Variants in FCRL3 observed in about 807,000 individuals in gnomAD.
FCRL3 encodes the protein Fc receptor-like protein 3.
A neutral mutation model predicts 75.0 loss-of-function variants in FCRL3; 89 were observed. That is an observed-to-expected ratio of 1.19 (90% CI 1.00 to 1.42). The LOEUF is 1.42. Among genes scored for constraint, FCRL3 ranks in the 40% most tolerant of loss-of-function variants. The pLI, the probability that FCRL3 is intolerant of heterozygous loss-of-function variation, is 0.00. For missense variants in FCRL3, 946 were observed against 880.0 expected (o/e 1.07, Z -0.95); for synonymous variants, 376 against 348.5 (o/e 1.08, Z -0.88).
Position 157,678,417 on chromosome 1 carries a change from C to T in FCRL3, c.*293G>A. 1 of 1,238,066 alleles carries T rather than the reference C, an allele frequency of 8.1e-7. No individual in the cohort carries two copies. Among genetic ancestry groups the T allele is most frequent in the South Asian group, 2.2e-5 (1 of 46,196 alleles). 76.7% of individuals were successfully genotyped at this position (1,238,066 alleles called of 1,614,324 possible). On this transcript the variant is annotated 3_prime_UTR_variant, in exon 15 of 15. Coordinates refer to ENST00000368184, the MANE Select transcript of FCRL3 (RefSeq NM_052939.4). ...TGTGCCCTTGTAACCCTGGCTAGAC[C>T]ATTTCTCTCTCCTCCTCTATTCGAC...
At chr1:157,683,675 C>T (rs1654990169) in intron 10 of FCRL3, among the ~76,000 whole-genome samples, 1 of 152,126 alleles carries the variant, frequency 6.6e-6, no homozygotes. Context: ...AATGGGACTA[C>T]CATGATAAGC....
chr1:157,688,295 A>G (rs1002947477), intron 10 of FCRL3, among the ~76,000 whole-genome samples: 1 of 152,192 alleles, frequency 6.6e-6, no homozygotes, highest in African/African-American at 2.4e-5. Context: ...TATTAATATT[A>G]GACAAAGACT....
chr1:157,689,744 AAATT>A, intron 10 of FCRL3, 50 bp downstream of exon 10: 1 of 1,609,862 alleles, frequency 6.2e-7, no homozygotes, highest in Non-Finnish European at 8.5e-7. Context: ...AGACAACTTC[AAATT>A]ATTATAGCAA....
chr1:157,676,512 G>C lies in FCRL3; in HGVS notation c.*2198C>G, dbSNP rs1015547895. 89 of 486,842 alleles carry C rather than the reference G, an allele frequency of 1.8e-4. No homozygotes were observed. The highest frequency in any genetic ancestry group is 1.0e-3 in the South Asian group (31 of 29,890). The allele number at this position is 486,842 out of a possible 1,614,324, so 30.2% of individuals were successfully genotyped here. A position where few individuals can be genotyped will look rare whatever the true frequency, so the allele number is the denominator to read the frequency against. ...TTCCAATGGTCTTTTATTTTCAAAG[G>C]CTCCACTAAAATTACTTTTTTTAGA... On this transcript the variant is annotated 3_prime_UTR_variant, in exon 15 of 15. Transcript: ENST00000368184.
intron 13 of FCRL3, 123 bp downstream of exon 13, chr1:157,680,579 T>C (rs1571187855): frequency 8.1e-6 from 6 of 737,964 alleles, no homozygotes; most frequent in Non-Finnish European, 1.2e-5. Context: ...CAGCTGACAC[T>C]ATGGGAGGCA....
Position 157,697,860 on chromosome 1 carries a change from A to G in FCRL3, c.358T>C (p.Cys120Arg). The change falls in exon 5 of 15, where the codon TGT becomes CGT. Residue 120 changes from cysteine to arginine, a missense_variant. Cys to Arg is a radical substitution (Grantham distance 180). Coordinates refer to ENST00000368184, the MANE Select transcript of FCRL3 (RefSeq NM_052939.4). ...GTGTTTTTGTTGTCTTTCCCCTGAC[A>G]TCTCAGAATGACATTGTCTCCTTCA... ...VFEGDNVILR[C>R]QGKDNKNTHQ... 6.2e-7 allele frequency: 1 copy of G among 1,614,114 alleles called. No individual in the cohort carries two copies. Among genetic ancestry groups the G allele is most frequent in the Non-Finnish European group, 8.5e-7 (1 of 1,180,012 alleles).
chr1:157,698,326 GGCCCTCA>G, intron 4 of FCRL3, 51 bp downstream of exon 4: 1 of 1,600,374 alleles, frequency 6.2e-7, no homozygotes, highest in Non-Finnish European at 8.5e-7. Flanking sequence ...GCATTAACCC[GGCCCTCA>G]GGCATTCTGC....
In FCRL3 at chr1:157,698,585, T is replaced by C; in HGVS notation, c.97A>G (p.Thr33Ala). Residue 33 changes from threonine (T) to alanine (A), a missense_variant, in exon 4 of 15, where the codon ACA becomes GCA. Physicochemically the swap from Thr to Ala is moderately conservative, Grantham distance 58. Transcript: ENST00000368184. Reference protein sequence around the residue: ...AVLLLNPPWSTAFKGEKVALI... With the variant: ...AVLLLNPPWSAAFKGEKVALI... ...GCCACTTTTTCTCCTTTGAAGGCTG[T>C]GGACCATGGAGGATTGAGGAGAAGT... The C allele has an allele frequency of 6.2e-7, 1 of 1,614,072 alleles. No individual in the cohort carries two copies. Among genetic ancestry groups the C allele is most frequent in the Non-Finnish European group, 8.5e-7 (1 of 1,179,874 alleles).
In FCRL3 at chr1:157,696,033, AACTT is replaced by A. The variant is rs777131717; in HGVS notation, c.1132+3_1132+6del. Reference sequence around the variant, plus strand: ...CTCGAGGCTGTGTGAAAGGAATCGGAACTTACTTCTCACGGTGACTCGAATCCAC... The same window carrying A: ...CTCGAGGCTGTGTGAAAGGAATCGGAACTTCTCACGGTGACTCGAATCCAC... On this transcript the variant is annotated splice_donor_5th_base_variant and intron_variant, in intron 7 of 14. Transcript: ENST00000368184. 5.6e-6 allele frequency: 9 copies of A among 1,603,098 alleles called. No individual in the cohort carries two copies. Among genetic ancestry groups the A allele is most frequent in the Middle Eastern group, 2.1e-4 (1 of 4,662 alleles).
At chr1:157,679,480 G>T (rs371997185) in intron 13 of FCRL3, among the ~76,000 whole-genome samples, 99 of 152,254 alleles carry the variant, frequency 6.5e-4, no homozygotes, top group African/African-American at 2.3e-3. Flanking sequence ...AAGCCAAAGA[G>T]TTGCATTGGA....
chr1:157,699,558 A>G (rs977302173), intron 3 of FCRL3, 134 bp downstream of exon 3: 3 of 873,564 alleles, frequency 3.4e-6, no homozygotes, highest in Middle Eastern at 3.4e-4. Flanking sequence ...TGTTCACCCA[A>G]TATAGTAGCA....
At position 157,676,850 on chromosome 1, in the gene FCRL3, G is replaced by T. The variant is rs888526159; in HGVS notation, c.*1860C>A. Reference sequence around the variant, plus strand: ...ATAAGGCACAAAGGGGCTTGGCAAGGTAATTCCAAATCAGCAGCAGGGTTA... The same window carrying T: ...ATAAGGCACAAAGGGGCTTGGCAAGTTAATTCCAAATCAGCAGCAGGGTTA... On this transcript the variant is annotated 3_prime_UTR_variant, in exon 15 of 15. Transcript: ENST00000368184. 179 of 1,539,146 alleles carry T rather than the reference G, an allele frequency of 1.2e-4. 1 individual carries two copies. Among genetic ancestry groups the T allele is most frequent in the Middle Eastern group, 1.7e-4 (1 of 5,946 alleles).
At chr1:157,697,514 A>C in intron 5 of FCRL3, 90 bp from the exon 6 acceptor site, 5 of 1,479,824 alleles carry the variant, frequency 3.4e-6, no homozygotes, top group Non-Finnish European at 4.5e-6. Context: ...AGCCATCAGG[A>C]GATAGAGAAG....
chr1:157,692,819 A>G (rs949266033), intron 8 of FCRL3, among the ~76,000 whole-genome samples: 1 of 152,202 alleles, frequency 6.6e-6, no homozygotes, highest in African/African-American at 2.4e-5. Flanking sequence ...TATGCTATGG[A>G]GATAATATTT....
At position 157,699,432 on chromosome 1, in the gene FCRL3, C is replaced by T. The variant is rs970158473; in HGVS notation, c.52+260G>A. 3.9e-5 allele frequency among the ~76,000 whole-genome samples: 6 copies of T among 151,960 alleles called. No homozygotes were observed. The East Asian group carries it at 1.2e-3, about 29-fold the overall frequency. ...CATATGAGATTCCTTCATCATCAGC[C>T]TCTTGCCTCTGTCCTTTGCTCTGCA... On this transcript the variant is annotated intron_variant, in intron 3 of 14. Coordinates refer to ENST00000368184, the MANE Select transcript of FCRL3 (RefSeq NM_052939.4).
chr1:157,690,217 C>T (rs759568368), intron 9 of FCRL3, 38 bp downstream of exon 9: 2 of 1,602,488 alleles, frequency 1.2e-6, no homozygotes, highest in South Asian at 2.2e-5. Flanking sequence ...TTTTATTTAC[C>T]ATAACTGTGA....
intron 8 of FCRL3, among the ~76,000 whole-genome samples, chr1:157,693,965 G>A (rs922803845): frequency 8.6e-5 from 13 of 151,964 alleles, no homozygotes; most frequent in African/African-American, 3.1e-4. Flanking sequence ...GCCCACGCTG[G>A]TCTCAAACTC....
In FCRL3 at chr1:157,681,111, G is replaced by C. The variant is rs1654811754; in HGVS notation, c.1839-12C>G. 3 of 1,515,024 alleles carry C rather than the reference G, an allele frequency of 2.0e-6. No individual in the cohort carries two copies. The highest frequency in any genetic ancestry group is 2.3e-5 in the East Asian group (1 of 42,882). 93.8% of individuals were successfully genotyped at this position (1,515,024 alleles called of 1,614,324 possible). On this transcript the variant is annotated splice_polypyrimidine_tract_variant and intron_variant, in intron 11 of 14. Transcript: ENST00000368184. ...CACTAGGACTGTGACTGTGACAGAG[G>C]GGGAGAGAATGGATTAAAAAGTATC...
intron 10 of FCRL3, 22 bp downstream of exon 10, chr1:157,689,776 A>G (rs1219678712): frequency 6.2e-7 from 1 of 1,613,624 alleles, no homozygotes; most frequent in South Asian, 1.1e-5. Context: ...ATCACATCAC[A>G]AGGTAGGACC....
Sources: allele counts gnomAD v4.1 joint callset (sites outside exome capture counted in the v4.1 genomes callset), GRCh38; gene constraint gnomAD v4.1.1; transcripts MANE v1.5; gene names NCBI Gene and HGNC (gene_info 2026-07-23, HGNC 2026-07-21).